Variants in FAM177A1 observed in about 807,000 individuals in gnomAD.
The protein encoded by FAM177A1 is protein FAM177A1.
In FAM177A1, 22 loss-of-function variants were observed where a neutral mutation model predicts 26.1. That is an observed-to-expected ratio of 0.84 (90% CI 0.60 to 1.20). The LOEUF is 1.20. Among genes scored for constraint, FAM177A1 ranks in the 50% most tolerant of loss-of-function variants. The probability of loss-of-function intolerance (pLI) is 0.00; values close to 1 mark genes in which losing one functional copy is unlikely to be tolerated. For synonymous variants in FAM177A1, 95 were observed against 99.3 expected, an observed-to-expected ratio of 0.96 and a Z score of 0.26; for missense variants, 296 against 291.1, an observed-to-expected ratio of 1.02 and a Z score of -0.12.
chr14:35,053,245 G>A, intron 1 of FAM177A1, 33 bp from the exon 2 acceptor site: 1 of 1,572,352 alleles, frequency 6.4e-7, no homozygotes, highest in Non-Finnish European at 8.6e-7. Context: ...AATCTCACTT[G>A]AAACTCATTT....
At chr14:35,057,044 CTCTATTAATT>C (rs1305075820) in intron 2 of FAM177A1, among the ~76,000 whole-genome samples, 2 of 152,018 alleles carry the variant, frequency 1.3e-5, no homozygotes, top group Non-Finnish European at 2.9e-5. Context: ...TTTTTCTGTT[CTCTATTAATT>C]TCTGCTCTTG....
Position 35,073,904 on chromosome 14 carries a change from C to T in FAM177A1, c.340-3246C>T, listed in dbSNP as rs185006729. 3.9e-5 allele frequency among the ~76,000 whole-genome samples: 6 copies of T among 152,252 alleles called. No homozygotes were observed. In the East Asian group the frequency reaches 1.2e-3, roughly 29 times the overall value. ...GGGCACTTTGATCTCCACTAAAAAC[C>T]TGTTCTGATAGATATCCTTTCTTCT... On this transcript the variant is annotated intron_variant, in intron 2 of 4. Coordinates refer to ENST00000280987, the MANE Select transcript of FAM177A1 (RefSeq NM_173607.5).
intron 2 of FAM177A1, among the ~76,000 whole-genome samples, chr14:35,059,211 C>A (rs1223001476): frequency 2.0e-5 from 3 of 152,132 alleles, no homozygotes; most frequent in Admixed American, 6.6e-5. Context: ...AGGTGTGAGC[C>A]ACCACGCCTG....
At chr14:35,069,651 A>T (rs2045288970) in intron 2 of FAM177A1, among the ~76,000 whole-genome samples, 1 of 152,128 alleles carries the variant, frequency 6.6e-6, no homozygotes, top group African/African-American at 2.4e-5. Flanking sequence ...GCAGACTTTC[A>T]ATTTTCTGTT....
In FAM177A1 at chr14:35,063,141, C is replaced by G. The variant is rs554425639; in HGVS notation, c.339+9690C>G. 1.2e-3 allele frequency among the ~76,000 whole-genome samples: 131 copies of G among 110,070 alleles called. 1 individual carries two copies. Among genetic ancestry groups the G allele is most frequent in the Middle Eastern group, 0.01 (1 of 98 alleles). 72.2% of individuals were successfully genotyped at this position (110,070 alleles called of 152,430 possible). A position where few individuals can be genotyped will look rare whatever the true frequency, so the allele number is the denominator to read the frequency against. ...GCGCCACTGCACTCCAGCCTGGCAA[C>G]AGAGTGAGACTCCATCTCAAAAAAA... is the stretch of plus-strand genomic sequence containing the variant. On this transcript the variant is annotated intron_variant, in intron 2 of 4. Transcript: ENST00000280987.
intron 2 of FAM177A1, among the ~76,000 whole-genome samples, chr14:35,063,504 G>C (rs1372306022): frequency 6.6e-6 from 1 of 151,920 alleles, no homozygotes; most frequent in African/African-American, 2.4e-5. Flanking sequence ...CTTGAACCTG[G>C]GAGGTGGAGG....
At chr14:35,056,079 GACTGGAGT>G (rs2045057283) in intron 2 of FAM177A1, among the ~76,000 whole-genome samples, 2 of 152,084 alleles carry the variant, frequency 1.3e-5, no homozygotes, top group South Asian at 4.2e-4. Flanking sequence ...CTGTCACCCA[GACTGGAGT>G]GCAGTGGCGT....
At chr14:35,056,259 T>C (rs2045059818) in intron 2 of FAM177A1, among the ~76,000 whole-genome samples, 1 of 152,140 alleles carries the variant, frequency 6.6e-6, no homozygotes, top group Non-Finnish European at 1.5e-5. Flanking sequence ...GGTCTTAAAC[T>C]CCTGACCTCA....
At chr14:35,059,898 C>G (rs2045123680) in intron 2 of FAM177A1, among the ~76,000 whole-genome samples, 2 of 152,166 alleles carry the variant, frequency 1.3e-5, no homozygotes, top group South Asian at 4.1e-4. Context: ...CTCCTAACCT[C>G]AAATGATCCA....
At chr14:35,056,487 C>G (rs1352267133) in intron 2 of FAM177A1, among the ~76,000 whole-genome samples, 1 of 152,092 alleles carries the variant, frequency 6.6e-6, no homozygotes, top group East Asian at 1.9e-4. Context: ...TCCCAAGTAG[C>G]TGGGACTACA....
intron 1 of FAM177A1, among the ~76,000 whole-genome samples, chr14:35,049,700 G>A (rs528865482): frequency 1.8e-4 from 28 of 152,200 alleles, no homozygotes; most frequent in African/African-American, 6.3e-4. Context: ...CAGGAGAATC[G>A]CTGAAACCCA....
intron 2 of FAM177A1, among the ~76,000 whole-genome samples, chr14:35,075,094 G>A (rs7156770): frequency 0.16 from 24,284 of 152,122 alleles, 2,130 homozygotes; most frequent in Middle Eastern, 0.22. Context: ...GCTTTATACT[G>A]TGTTTTCTTT....
chr14:35,058,051 CTTTTTA>C (rs2045089883), intron 2 of FAM177A1, among the ~76,000 whole-genome samples: 1 of 151,598 alleles, frequency 6.6e-6, no homozygotes, highest in Non-Finnish European at 1.5e-5. Flanking sequence ...TGTTGTCCTA[CTTTTTA>C]TTATTATTAT....
chr14:35,047,026 G>T, intron 1 of FAM177A1: 1 of 1,010,614 alleles, frequency 9.9e-7, no homozygotes, highest in African/African-American at 1.7e-5. Flanking sequence ...CCCTTTGCTT[G>T]GCATATGCCA....
chr14:35,046,636 G>A lies in FAM177A1; in HGVS notation c.165+8G>A, dbSNP rs1237309349. On this transcript the variant is annotated splice_region_variant and intron_variant, in intron 1 of 4. Transcript: ENST00000280987. ...GGGGAATCTGCAGGGCAGGTAGGTG[G>A]GGCCGCCGAGGCTGACGTCCGGGGA... The A allele has an allele frequency of 6.5e-7, 1 of 1,527,452 alleles. No homozygotes were observed. Among genetic ancestry groups the A allele is most frequent in the East Asian group, 2.6e-5 (1 of 39,088 alleles). 94.6% of individuals were successfully genotyped at this position (1,527,452 alleles called of 1,614,324 possible).
chr14:35,077,748 C>T (rs2045420728), intron 3 of FAM177A1, among the ~76,000 whole-genome samples: 1 of 152,172 alleles, frequency 6.6e-6, no homozygotes, highest in South Asian at 2.1e-4. Flanking sequence ...TCCCAAAGTG[C>T]TGGGACCACA....
chr14:35,067,407 C>T (rs1000918960), intron 2 of FAM177A1, among the ~76,000 whole-genome samples: 4 of 152,176 alleles, frequency 2.6e-5, no homozygotes, highest in Non-Finnish European at 5.9e-5. Flanking sequence ...ATATATGTCA[C>T]ATTTTCTTTA....
At chr14:35,056,083 G>A (rs1050260830) in intron 2 of FAM177A1, among the ~76,000 whole-genome samples, 4 of 151,926 alleles carry the variant, frequency 2.6e-5, no homozygotes, top group Non-Finnish European at 4.4e-5. Flanking sequence ...CACCCAGACT[G>A]GAGTGCAGTG....
upstream of FAM177A1, chr14:35,046,206 A>G (rs2044856941): frequency 3.1e-6 from 1 of 322,004 alleles, no homozygotes; most frequent in Admixed American, 5.1e-5. Flanking sequence ...CTTGGCCGGA[A>G]GCGACGCCCC....
Sources: gnomAD v4.1 joint callset for allele counts (sites outside exome capture counted in the v4.1 genomes callset) on GRCh38, gnomAD v4.1.1 for gene constraint, MANE v1.5 for transcripts, NCBI Gene and HGNC (gene_info 2026-07-23, HGNC 2026-07-21) for gene names.